Variants in EYA1 observed in about 807,000 individuals in gnomAD.
The protein encoded by EYA1 is EYA transcriptional coactivator and phosphatase 1.
EYA1 carries 16 observed loss-of-function variants against 82.0 expected under a neutral mutation model. The observed-to-expected ratio is 0.20, with a 90% CI of 0.13 to 0.30. The LOEUF is 0.30. EYA1 is among the 10% of genes least tolerant of loss of function. EYA1 has a pLI of 1.00. For synonymous variants in EYA1, 261 were observed against 264.4 expected, an observed-to-expected ratio of 0.99 and a Z score of 0.12; for missense variants, 633 against 730.7, an observed-to-expected ratio of 0.87 and a Z score of 1.54.
chr8:71,386,602 C>T (rs2129105606), intron 2 of EYA1, among the ~76,000 whole-genome samples: 1 of 152,288 alleles, frequency 6.6e-6, no homozygotes, highest in Non-Finnish European at 1.5e-5. Flanking sequence ...ATGGTTGACT[C>T]AGGTCATTAA....
At chr8:71,547,666 G>T (rs1448050298) in intron 1 of EYA1, 1 of 151,652 alleles carries the variant, frequency 6.6e-6, no homozygotes, top group Non-Finnish European at 1.5e-5. Context: ...CAGCAGCCGC[G>T]GGCTCTCGGC....
chr8:71,222,762 C>G (rs539873184), intron 12 of EYA1, among the ~76,000 whole-genome samples: 1 of 152,216 alleles, frequency 6.6e-6, no homozygotes, highest in Non-Finnish European at 1.5e-5. Context: ...ATAAATGCTG[C>G]GATGCTGATG....
chr8:71,278,957 C>T (rs1817511283), intron 9 of EYA1, among the ~76,000 whole-genome samples: 1 of 152,184 alleles, frequency 6.6e-6, no homozygotes, highest in African/African-American at 2.4e-5. Flanking sequence ...TGAAAGACTA[C>T]TCTCCCTAAA....
At chr8:71,382,650 T>C (rs1828770418) in intron 2 of EYA1, among the ~76,000 whole-genome samples, 1 of 152,098 alleles carries the variant, frequency 6.6e-6, no homozygotes, top group South Asian at 2.1e-4. Context: ...GTAAAGGATA[T>C]ATACACTTAT....
intron 6 of EYA1, among the ~76,000 whole-genome samples, chr8:71,321,135 T>TAA (rs1371423885): frequency 7.9e-5 from 12 of 152,200 alleles, no homozygotes; most frequent in Non-Finnish European, 1.5e-5. Flanking sequence ...AAAAGTGAGT[T>TAA]AAATTACACC....
intron 2 of EYA1, among the ~76,000 whole-genome samples, chr8:71,430,731 C>T (rs901894882): frequency 6.6e-6 from 1 of 152,052 alleles, no homozygotes; most frequent in South Asian, 2.1e-4. Context: ...TAAAGGTTCC[C>T]CAAGTAGCCA....
At chr8:71,431,876 C>T (rs1805643734) in intron 2 of EYA1, among the ~76,000 whole-genome samples, 1 of 152,184 alleles carries the variant, frequency 6.6e-6, no homozygotes, top group Non-Finnish European at 1.5e-5. Context: ...CCTATGATTA[C>T]TTTATGAAGC....
chr8:71,407,795 T>G (rs1830344883), intron 2 of EYA1, among the ~76,000 whole-genome samples: 1 of 144,246 alleles, frequency 6.9e-6, no homozygotes, highest in Admixed American at 7.0e-5. Flanking sequence ...TGGAAAACAC[T>G]CTGCAGGATA....
intron 2 of EYA1, among the ~76,000 whole-genome samples, chr8:71,524,908 G>A (rs542603859): frequency 6.6e-6 from 1 of 152,302 alleles, no homozygotes; most frequent in East Asian, 1.9e-4. Flanking sequence ...GGAGGACACA[G>A]GAAGTATTGT....
chr8:71,535,268 C>T (rs181499214), intron 2 of EYA1, among the ~76,000 whole-genome samples: 1 of 152,222 alleles, frequency 6.6e-6, no homozygotes, highest in East Asian at 1.9e-4. Context: ...TAACCTAAGT[C>T]TCTCTTATTT....
chr8:71,371,876 G>A (rs1420400474), intron 2 of EYA1, among the ~76,000 whole-genome samples: 2 of 151,896 alleles, frequency 1.3e-5, no homozygotes, highest in Non-Finnish European at 1.5e-5. Flanking sequence ...AACTCAATAC[G>A]GGTTGAAAAA....
At chr8:71,514,151 G>A (rs548188583) in intron 2 of EYA1, among the ~76,000 whole-genome samples, 1 of 152,060 alleles carries the variant, frequency 6.6e-6, no homozygotes, top group East Asian at 1.9e-4. Context: ...TATATACACA[G>A]CACTGGAATT....
upstream of EYA1, among the ~76,000 whole-genome samples, chr8:71,364,060 AT>A (rs1179298763): frequency 1.3e-5 from 2 of 151,952 alleles, no homozygotes; most frequent in African/African-American, 4.8e-5. Context: ...TTGAAATTTA[AT>A]TTTTATTTAT....
At chr8:71,391,494 C>G (rs1829280270) in intron 2 of EYA1, among the ~76,000 whole-genome samples, 1 of 151,816 alleles carries the variant, frequency 6.6e-6, no homozygotes, top group African/African-American at 2.4e-5. Context: ...TTTTTTTATT[C>G]TTTGTATGGT....
intron 2 of EYA1, among the ~76,000 whole-genome samples, chr8:71,425,646 T>A (rs1197246022): frequency 6.6e-6 from 1 of 152,146 alleles, no homozygotes; most frequent in African/African-American, 2.4e-5. Context: ...TATTCTTGGA[T>A]CAGAAAAAGG....
At chr8:71,303,999 T>C (rs944413769) in intron 7 of EYA1, among the ~76,000 whole-genome samples, 1 of 142,504 alleles carries the variant, frequency 7.0e-6, no homozygotes, top group African/African-American at 2.5e-5. Context: ...GATTCTATAT[T>C]GTATAATGGG....
chr8:71,244,551 C>A, intron 12 of EYA1, 52 bp downstream of exon 12: 2 of 906,800 alleles, frequency 2.2e-6, no homozygotes, highest in Non-Finnish European at 3.6e-6. Flanking sequence ...ATTTTAAAAC[C>A]AATCACCTAT....
chr8:71,198,004 AG>A lies in EYA1; in HGVS notation c.*1335del, dbSNP rs746563937. On this transcript the variant is annotated 3_prime_UTR_variant, in exon 18 of 18. Coordinates refer to ENST00000340726, the MANE Select transcript of EYA1 (RefSeq NM_000503.6). ...ATGACAATGGCAATGAACCTTCCTC[AG>A]GGTGACAGGAAGAAAGAGAAAATAC... The A allele has an allele frequency of 6.6e-6, 1 of 152,242 alleles. No homozygotes were observed. Among genetic ancestry groups the A allele is most frequent in the African/African-American group, 2.4e-5 (1 of 41,464 alleles). 9.4% of individuals were successfully genotyped at this position (152,242 alleles called of 1,614,324 possible). A position where few individuals can be genotyped will look rare whatever the true frequency, so the allele number is the denominator to read the frequency against.
At chr8:71,342,221 C>G (rs1032997215) in intron 3 of EYA1, among the ~76,000 whole-genome samples, 3 of 152,122 alleles carry the variant, frequency 2.0e-5, no homozygotes, top group Non-Finnish European at 4.4e-5. Flanking sequence ...GCTTCTCTAC[C>G]GACTCCAGGA....
Sources: allele counts gnomAD v4.1 joint callset (sites outside exome capture counted in the v4.1 genomes callset), GRCh38; gene constraint gnomAD v4.1.1; transcripts MANE v1.5; gene names NCBI Gene and HGNC (gene_info 2026-07-23, HGNC 2026-07-21).